Variants in SLC35A3 observed in about 807,000 individuals in gnomAD.
SLC35A3 encodes solute carrier family 35 member A3.
In SLC35A3, 26 loss-of-function variants were observed where a neutral mutation model predicts 39.0. The observed-to-expected ratio is 0.67, with a 90% CI of 0.49 to 0.92. SLC35A3 has a LOEUF of 0.92. SLC35A3 is among the 40% of genes least tolerant of loss of function. SLC35A3 has a pLI of 0.00. For synonymous variants in SLC35A3, 135 were observed against 133.1 expected (o/e 1.01, Z -0.10); for missense variants, 299 against 371.6 (o/e 0.80, Z 1.61).
At chr1:100,000,947 T>A (rs187085988) in intron 3 of SLC35A3, among the ~76,000 whole-genome samples, 54 of 152,212 alleles carry the variant, frequency 3.5e-4, no homozygotes, top group African/African-American at 1.2e-3. Flanking sequence ...TTTCTCAGCG[T>A]CATTTATCGA....
chr1:99,979,521 C>T (rs1570567354), intron 1 of SLC35A3, among the ~76,000 whole-genome samples: 1 of 151,098 alleles, frequency 6.6e-6, no homozygotes, highest in South Asian at 2.1e-4. Context: ...GCAAGCTCCA[C>T]CTCCCGGGTT....
chr1:99,993,012 A>T (rs1658178447), intron 1 of SLC35A3: 1 of 152,674 alleles, frequency 6.5e-6, no homozygotes, highest in South Asian at 2.1e-4. Context: ...TGGTCAGTAA[A>T]GTTCTTTCTT....
At chr1:100,015,630 GT>G in intron 6 of SLC35A3, 1 of 449,522 alleles carries the variant, frequency 2.2e-6, no homozygotes, top group Non-Finnish European at 3.7e-6. Context: ...GAACTTTGTG[GT>G]TTTAAATGTA....
intron 5 of SLC35A3, among the ~76,000 whole-genome samples, chr1:100,014,967 G>A (rs891718977): frequency 5.9e-5 from 9 of 152,098 alleles, no homozygotes; most frequent in African/African-American, 2.2e-4. Flanking sequence ...GACTAGCCTG[G>A]CTAACACAGT....
At position 100,011,499 on chromosome 1, in the gene SLC35A3, A is replaced by C; in HGVS notation, c.600A>C (p.Thr200=). 2 of 1,555,940 alleles carry C rather than the reference A, an allele frequency of 1.3e-6. No homozygotes were observed. Among genetic ancestry groups the C allele is most frequent in the Non-Finnish European group, 1.8e-6 (2 of 1,139,122 alleles). ...ACTTTGAGAAAATCTTAAAAGAAACAAAACAATCAGTGTGGATAAGAAATA... is the reference window on the plus strand; with the variant it reads ...ACTTTGAGAAAATCTTAAAAGAAACCAAACAATCAGTGTGGATAAGAAATA... ...GVYFEKILKE[T]KQSVWIRNIQ... is the part of the protein sequence containing the mutation. Residue 200 remains threonine, a synonymous_variant, in exon 5 of 8, where the codon ACA becomes ACC. Transcript: ENST00000533028.
chr1:99,997,979 C>T (rs113373162), intron 2 of SLC35A3, among the ~76,000 whole-genome samples: 60 of 152,078 alleles, frequency 3.9e-4, no homozygotes, highest in Non-Finnish European at 7.2e-4. Flanking sequence ...CTCTTTTTTT[C>T]CTCTCCTGGT....
chr1:99,970,721 T>C (rs1656757210), intron 1 of SLC35A3: 5 of 946,214 alleles, frequency 5.3e-6, no homozygotes, highest in Non-Finnish European at 7.9e-6. Context: ...GGTGCATTGC[T>C]TTATAGTAAA....
In SLC35A3 at chr1:100,032,031, G is replaced by GT. The variant is rs1324653881; in HGVS notation, c.*9557dup. On this transcript the variant is annotated 3_prime_UTR_variant, in exon 8 of 8. Coordinates refer to ENST00000533028, the MANE Select transcript of SLC35A3 (RefSeq NM_012243.3). ...AGTCTATAGGTTTGATTACCTTCAG[G>GT]TTAAATGTATTGGGTAAAAATATTT... 1 of 151,998 alleles carries GT rather than the reference G, an allele frequency of 6.6e-6. No homozygotes were observed. Among genetic ancestry groups the GT allele is most frequent in the Non-Finnish European group, 1.5e-5 (1 of 68,002 alleles). 9.4% of individuals were successfully genotyped at this position (151,998 alleles called of 1,614,324 possible).
chr1:100,002,621 T>G (rs2101238150), intron 3 of SLC35A3, among the ~76,000 whole-genome samples: 1 of 152,288 alleles, frequency 6.6e-6, no homozygotes, highest in African/African-American at 2.4e-5. Context: ...TCTTTTGTTG[T>G]TGTTGTTGTT....
intron 3 of SLC35A3, among the ~76,000 whole-genome samples, chr1:100,003,911 G>GT (rs1203694230): frequency 2.0e-5 from 3 of 152,122 alleles, no homozygotes; most frequent in Non-Finnish European, 4.4e-5. Context: ...TTGACCTAAA[G>GT]TCTATTTTAC....
At chr1:100,017,571 TA>T in intron 6 of SLC35A3, 110 bp from the exon 7 acceptor site, 1 of 642,130 alleles carries the variant, frequency 1.6e-6, no homozygotes, top group Non-Finnish European at 2.5e-6. Context: ...TCCCTTACTA[TA>T]ATGGGATTGA....
At position 100,030,471 on chromosome 1, in the gene SLC35A3, G is replaced by A. The variant is rs958747198; in HGVS notation, c.*7995G>A. 1.3e-5 allele frequency: 2 copies of A among 152,308 alleles called. No homozygotes were observed. The highest frequency in any genetic ancestry group is 6.5e-5 in the Admixed American group (1 of 15,302). 9.4% of individuals were successfully genotyped at this position (152,308 alleles called of 1,614,324 possible). A position where few individuals can be genotyped will look rare whatever the true frequency, so the allele number is the denominator to read the frequency against. On this transcript the variant is annotated 3_prime_UTR_variant, in exon 8 of 8. Coordinates refer to ENST00000533028, the MANE Select transcript of SLC35A3 (RefSeq NM_012243.3). Reference sequence around the variant, plus strand: ...TTTGTAAACTTTCTTAAAACAGTATGAGATTTTTTTGCAATTTTTTAAAGC... The same window carrying A: ...TTTGTAAACTTTCTTAAAACAGTATAAGATTTTTTTGCAATTTTTTAAAGC...
chr1:100,035,580 T>C lies in SLC35A3; in HGVS notation c.*13104T>C, dbSNP rs1327740501. The C allele has an allele frequency of 2.0e-5, 3 of 152,230 alleles. No individual in the cohort carries two copies. The highest frequency in any genetic ancestry group is 6.5e-5 in the Admixed American group (1 of 15,282). The allele number at this position is 152,230 out of a possible 1,614,324, so 9.4% of individuals were successfully genotyped here. A position where few individuals can be genotyped will look rare whatever the true frequency, so the allele number is the denominator to read the frequency against. On this transcript the variant is annotated 3_prime_UTR_variant, in exon 8 of 8. Coordinates refer to ENST00000533028, the MANE Select transcript of SLC35A3 (RefSeq NM_012243.3). ...CACTAGAATGTAAGCTCTGTGCAGATAGTGTCTCATTTATTGATGTATCCC... is the reference window on the plus strand; with the variant it reads ...CACTAGAATGTAAGCTCTGTGCAGACAGTGTCTCATTTATTGATGTATCCC...
rs1661095459 is a variant in SLC35A3 at position 100,029,355 on chromosome 1, C to G, written c.*6879C>G. 1 of 151,970 alleles carries G rather than the reference C, an allele frequency of 6.6e-6. No individual in the cohort carries two copies. Among genetic ancestry groups the G allele is most frequent in the African/African-American group, 2.4e-5 (1 of 41,380 alleles). 9.4% of individuals were successfully genotyped at this position (151,970 alleles called of 1,614,324 possible). A position where few individuals can be genotyped will look rare whatever the true frequency, so the allele number is the denominator to read the frequency against. ...TTCTTACTACACAAAGACCATTCATCTCTATACACTTCCTTCTGAATTGAT... is the reference window on the plus strand; with the variant it reads ...TTCTTACTACACAAAGACCATTCATGTCTATACACTTCCTTCTGAATTGAT... On this transcript the variant is annotated 3_prime_UTR_variant, in exon 8 of 8. Coordinates refer to ENST00000533028, the MANE Select transcript of SLC35A3 (RefSeq NM_012243.3).
At chr1:100,003,153 C>T (rs1424167578) in intron 3 of SLC35A3, among the ~76,000 whole-genome samples, 9 of 151,914 alleles carry the variant, frequency 5.9e-5, no homozygotes, top group South Asian at 2.1e-4. Context: ...CAGTGGCTCA[C>T]GCCTGTAATC....
At chr1:100,020,454 A>G (rs746671880) in intron 7 of SLC35A3, among the ~76,000 whole-genome samples, 6 of 152,248 alleles carry the variant, frequency 3.9e-5, no homozygotes, top group Non-Finnish European at 8.8e-5. Context: ...CTAGTAATTA[A>G]TAATTACCAA....
intron 1 of SLC35A3, among the ~76,000 whole-genome samples, chr1:99,971,947 G>A (rs896582231): frequency 6.6e-5 from 10 of 151,910 alleles, no homozygotes; most frequent in African/African-American, 2.4e-4. Flanking sequence ...GCCCAGGCTG[G>A]AGTTCAATGT....
Position 100,027,149 on chromosome 1 carries a change from T to C in SLC35A3, c.*4673T>C. ...TTTCTTCCTTTTCTCTAGCCCATATTCTAGCATGAAATACTGGGTTGGCCA... is the reference window on the plus strand; with the variant it reads ...TTTCTTCCTTTTCTCTAGCCCATATCCTAGCATGAAATACTGGGTTGGCCA... On this transcript the variant is annotated 3_prime_UTR_variant, in exon 8 of 8. Transcript: ENST00000533028. 2.5e-6 allele frequency: 1 copy of C among 398,610 alleles called. No homozygotes were observed. Among genetic ancestry groups the C allele is most frequent in the Non-Finnish European group, 4.4e-6 (1 of 226,060 alleles). 24.7% of individuals were successfully genotyped at this position (398,610 alleles called of 1,614,324 possible). A position where few individuals can be genotyped will look rare whatever the true frequency, so the allele number is the denominator to read the frequency against.
Position 100,021,256 on chromosome 1 carries a change from C to T in SLC35A3, c.888-1130C>T, listed in dbSNP as rs533536191. On this transcript the variant is annotated intron_variant, in intron 7 of 7. Coordinates refer to ENST00000533028, the MANE Select transcript of SLC35A3 (RefSeq NM_012243.3). ...GTGCACACTGGTAATCCCAGCTAGT[C>T]GGGAGGCTGAGGCAGGAGAATTGCT... 1.1e-4 allele frequency among the ~76,000 whole-genome samples: 17 copies of T among 151,702 alleles called. No individual in the cohort carries two copies. The South Asian group carries it at 1.3e-3, about 11-fold the overall frequency.
Sources: gnomAD v4.1 joint callset for allele counts (sites outside exome capture counted in the v4.1 genomes callset) on GRCh38, gnomAD v4.1.1 for gene constraint, MANE v1.5 for transcripts, NCBI Gene and HGNC (gene_info 2026-07-23, HGNC 2026-07-21) for gene names.